Variants in SLC35C1 observed in about 807,000 individuals in gnomAD.
SLC35C1 encodes the protein GDP-fucose transporter 1.
SLC35C1 carries 8 observed loss-of-function variants against 23.2 expected under a neutral mutation model. The observed-to-expected ratio is 0.35, with a 90% confidence interval of 0.20 to 0.62. The LOEUF is 0.62. Ranked by LOEUF, SLC35C1 falls within the 20% of genes least tolerant of loss-of-function variation. The pLI is 0.75. For synonymous variants in SLC35C1, 226 were observed against 225.1 expected, an observed-to-expected ratio of 1.00 and a Z score of -0.04; for missense variants, 422 against 478.6, an observed-to-expected ratio of 0.88 and a Z score of 1.10.
Position 45,812,908 on chromosome 11 carries a change from C to T in SLC35C1, c.*1573C>T. 3.2e-6 allele frequency: 1 copy of T among 308,530 alleles called. No homozygotes were observed. Among genetic ancestry groups the T allele is most frequent in the Non-Finnish European group, 6.5e-6 (1 of 152,798 alleles). 19.1% of individuals were successfully genotyped at this position (308,530 alleles called of 1,614,324 possible). A position where few individuals can be genotyped will look rare whatever the true frequency, so the allele number is the denominator to read the frequency against. ...TAGTGAAAAGCTAGGGAGAGCGGGT[C>T]TTCTCCCCCCTCCCTCTCCAGTCCC... On this transcript the variant is annotated 3_prime_UTR_variant, in exon 2 of 2. Coordinates refer to ENST00000314134, the MANE Select transcript of SLC35C1 (RefSeq NM_018389.5).
chr11:45,805,155 T>G lies in SLC35C1; in HGVS notation c.-647T>G, dbSNP rs2085854161. 1.0e-6 allele frequency: 1 copy of G among 986,158 alleles called. No homozygotes were observed. The highest frequency in any genetic ancestry group is 4.6e-5 in the South Asian group (1 of 21,548). The allele number at this position is 986,158 out of a possible 1,614,324, so 61.1% of individuals were successfully genotyped here. A position where few individuals can be genotyped will look rare whatever the true frequency, so the allele number is the denominator to read the frequency against. On this transcript the variant is annotated 5_prime_UTR_variant, in exon 1 of 2. An upstream start codon of the reference 5' UTR is lost. Transcript: ENST00000314134. The stretch of plus-strand genomic sequence containing the variant: ...CGCCTCCCGGGGAGTCGGCCTCGGA[T>G]GTCCGGAGGCTCCTGGGCTGAGCCG...
At position 45,806,118 on chromosome 11, in the gene SLC35C1, G is replaced by C. The variant is rs1416390852; in HGVS notation, c.317G>C (p.Ser106Thr). The C allele has an allele frequency of 1.9e-6, 3 of 1,609,158 alleles. No homozygotes were observed. Among genetic ancestry groups the C allele is most frequent in the African/African-American group, 2.7e-5 (2 of 74,902 alleles). Residue 106 changes from serine (S) to threonine (T), a missense_variant, in exon 1 of 2, where the codon AGC becomes ACC. By Grantham distance (58) the Ser-to-Thr change is moderately conservative (BLOSUM62 1). Coordinates refer to ENST00000314134, the MANE Select transcript of SLC35C1 (RefSeq NM_018389.5). ...TGCCCTGGTGCCGTGGACTTCCCCAGCTTGCGCCTGGACCTCAGGGTGGCC... is the reference window on the plus strand; with the variant it reads ...TGCCCTGGTGCCGTGGACTTCCCCACCTTGCGCCTGGACCTCAGGGTGGCC... ...ACCPGAVDFP[S>T]LRLDLRVARS...
At position 45,805,179 on chromosome 11, in the gene SLC35C1, C is replaced by G. The variant is rs1364749912; in HGVS notation, c.-623C>G. The G allele has an allele frequency of 1.2e-5, 12 of 991,244 alleles. No homozygotes were observed. The highest frequency in any genetic ancestry group is 1.1e-4 in the East Asian group (1 of 8,944). The allele number at this position is 991,244 out of a possible 1,614,324, so 61.4% of individuals were successfully genotyped here. On this transcript the variant is annotated 5_prime_UTR_variant, in exon 1 of 2. Transcript: ENST00000314134. ...ATGTCCGGAGGCTCCTGGGCTGAGCCGGCGACAGAGCCCGGGAAGGCAGCG... is the reference window on the plus strand; with the variant it reads ...ATGTCCGGAGGCTCCTGGGCTGAGCGGGCGACAGAGCCCGGGAAGGCAGCG...
chr11:45,811,712 A>C lies in SLC35C1; in HGVS notation c.*377A>C. On this transcript the variant is annotated 3_prime_UTR_variant, in exon 2 of 2. Transcript: ENST00000314134. Reference sequence around the variant, plus strand: ...AGGCAACAACCTTGAAGGGACAGCAATGGCAAAGCCACAAAGGCTTCACTG... The same window carrying C: ...AGGCAACAACCTTGAAGGGACAGCACTGGCAAAGCCACAAAGGCTTCACTG... 1 of 187,492 alleles carries C rather than the reference A, an allele frequency of 5.3e-6. No homozygotes were observed. The allele number at this position is 187,492 out of a possible 1,614,324, so 11.6% of individuals were successfully genotyped here.
chr11:45,808,394 G>A (rs1163367454), intron 1 of SLC35C1, among the ~76,000 whole-genome samples: 1 of 152,074 alleles, frequency 6.6e-6, no homozygotes, highest in African/African-American at 2.4e-5. Flanking sequence ...CCAGCTACTC[G>A]GGAGGCTGAG....
chr11:45,804,517 G>C, upstream of SLC35C1: 1 of 985,700 alleles, frequency 1.0e-6, no homozygotes, highest in Non-Finnish European at 1.2e-6. Context: ...TTCTGGAAGG[G>C]GTAAGAGATG....
In SLC35C1 at chr11:45,811,392, C is replaced by T; in HGVS notation, c.*57C>T. 7.2e-7 allele frequency: 1 copy of T among 1,389,504 alleles called. No individual in the cohort carries two copies. The highest frequency in any genetic ancestry group is 9.5e-7 in the Non-Finnish European group (1 of 1,056,622). 86.1% of individuals were successfully genotyped at this position (1,389,504 alleles called of 1,614,324 possible). On this transcript the variant is annotated 3_prime_UTR_variant, in exon 2 of 2. Transcript: ENST00000314134. The stretch of plus-strand genomic sequence containing the variant: ...GGGGCCCGTACACAGGCGGGGCCAG[C>T]ACAGTAGTGAAGGCGGTCTCCTGGA...
At chr11:45,804,692 G>C (rs1029697195), upstream of SLC35C1, 1 of 985,394 alleles carries the variant, frequency 1.0e-6, no homozygotes, top group East Asian at 1.1e-4. Context: ...GTGAAAATGG[G>C]GGGAAAGGAG....
rs747880484 is a variant in SLC35C1 at position 45,811,363 on chromosome 11, C to T, written c.*28C>T. 27 of 1,462,202 alleles carry T rather than the reference C, an allele frequency of 1.8e-5. No individual in the cohort carries two copies. Among genetic ancestry groups the T allele is most frequent in the African/African-American group, 2.8e-5 (2 of 70,886 alleles). The allele number at this position is 1,462,202 out of a possible 1,614,324, so 90.6% of individuals were successfully genotyped here. A position where few individuals can be genotyped will look rare whatever the true frequency, so the allele number is the denominator to read the frequency against. ...ACCACAGGCACCCTGGATGGCCCGG[C>T]CCCGGGGCCCGTACACAGGCGGGGC... On this transcript the variant is annotated 3_prime_UTR_variant, in exon 2 of 2. Transcript: ENST00000314134.
rs149296455 is a variant in SLC35C1, at chr11:45,806,335, C to A, written c.534C>A (p.Ile178=). The part of the protein sequence containing the change: ...FYALLTCGII[I]GGFWLGVDQE... ...CCCTGCTCACCTGCGGTATCATCATCGGTGAGTGGCAGCTGGGGCCACGGG... is the reference window on the plus strand; with the variant it reads ...CCCTGCTCACCTGCGGTATCATCATAGGTGAGTGGCAGCTGGGGCCACGGG... Residue 178 remains isoleucine (I), a splice_region_variant and synonymous_variant, in exon 1 of 2, where the codon ATC becomes ATA. Transcript: ENST00000314134. The A allele has an allele frequency of 6.2e-7, 1 of 1,612,462 alleles. No homozygotes were observed. Among genetic ancestry groups the A allele is most frequent in the East Asian group, 2.2e-5 (1 of 44,882 alleles).
Position 45,807,059 on chromosome 11 carries a change from C to T in SLC35C1, c.535+723C>T, listed in dbSNP as rs1010139217. 4.1e-5 allele frequency: 11 copies of T among 268,740 alleles called. No individual in the cohort carries two copies. In the East Asian group the frequency reaches 8.8e-4, roughly 22 times the overall value. 16.6% of individuals were successfully genotyped at this position (268,740 alleles called of 1,614,324 possible). A position where few individuals can be genotyped will look rare whatever the true frequency, so the allele number is the denominator to read the frequency against. On this transcript the variant is annotated intron_variant, in intron 1 of 1. Transcript: ENST00000314134. ...ATCTCCTTTGTTCTCCCAGAGATCC[C>T]CTGGGTTGTGGCATCACTACCAGCG...
chr11:45,805,707 T>C lies in SLC35C1; in HGVS notation c.-95T>C. Reference sequence around the variant, plus strand: ...CAGCCCACATGTGACAATGGAGGGCTGCGGCTTCCTTGCGGAGAGCACAAG... The same window carrying C: ...CAGCCCACATGTGACAATGGAGGGCCGCGGCTTCCTTGCGGAGAGCACAAG... On this transcript the variant is annotated 5_prime_UTR_variant, in exon 1 of 2. Transcript: ENST00000314134. 6.3e-7 allele frequency: 1 copy of C among 1,593,176 alleles called. No homozygotes were observed. Among genetic ancestry groups the C allele is most frequent in the Non-Finnish European group, 8.5e-7 (1 of 1,177,534 alleles).
At chr11:45,806,364 T>A (rs756891670) in intron 1 of SLC35C1, 28 bp downstream of exon 1, 1 of 1,609,596 alleles carries the variant, frequency 6.2e-7, no homozygotes, top group South Asian at 1.1e-5. Flanking sequence ...CCACGGGGGA[T>A]AGAGTGGTCA....
At position 45,811,557 on chromosome 11, in the gene SLC35C1, C is replaced by T; in HGVS notation, c.*222C>T. The T allele has an allele frequency of 4.2e-6, 2 of 473,968 alleles. No homozygotes were observed. The highest frequency in any genetic ancestry group is 7.4e-6 in the Non-Finnish European group (2 of 270,700). 29.4% of individuals were successfully genotyped at this position (473,968 alleles called of 1,614,324 possible). On this transcript the variant is annotated 3_prime_UTR_variant, in exon 2 of 2. Transcript: ENST00000314134. ...GTTTACAAGTAATACCAGAAAGTTG[C>T]CAAACCCTTCTCTATCCTCTCGTAT...
At position 45,810,819 on chromosome 11, in the gene SLC35C1, C is replaced by T. The variant is rs761382272; in HGVS notation, c.579C>T (p.Thr193=). The T allele has an allele frequency of 3.1e-6, 5 of 1,612,838 alleles. No homozygotes were observed. Among genetic ancestry groups the T allele is most frequent in the Non-Finnish European group, 3.4e-6 (4 of 1,180,000 alleles). The change falls in exon 2 of 2, where the codon ACC becomes ACT. Residue 193 remains threonine, a synonymous_variant. Transcript: ENST00000314134. The stretch of plus-strand genomic sequence containing the variant: ...TGGACCAGGAGGGGGCAGAAGGCAC[C>T]CTGTCGTGGCTGGGCACCGTCTTCG... ...LGVDQEGAEG[T]LSWLGTVFGV...
At chr11:45,804,968 G>T, upstream of SLC35C1, 1 of 985,796 alleles carries the variant, frequency 1.0e-6, no homozygotes, top group Non-Finnish European at 1.2e-6. Flanking sequence ...AGAAAAACCT[G>T]TGGCTGCCGA....
intron 1 of SLC35C1, among the ~76,000 whole-genome samples, chr11:45,809,401 A>G (rs1250643877): frequency 6.6e-6 from 1 of 152,106 alleles, no homozygotes; most frequent in African/African-American, 2.4e-5. Flanking sequence ...TAGAAGGAAG[A>G]GCACGTGCAC....
chr11:45,804,867 G>A, upstream of SLC35C1: 3 of 985,896 alleles, frequency 3.0e-6, no homozygotes, highest in Non-Finnish European at 3.6e-6. Context: ...AGCCAAGTCG[G>A]GGGACGGAGG....
intron 1 of SLC35C1, chr11:45,806,864 G>A (rs1283000192): frequency 1.0e-6 from 1 of 984,032 alleles, no homozygotes; most frequent in Non-Finnish European, 1.2e-6. Context: ...TCTTAGTAGA[G>A]GACAATACGT....
Sources: gnomAD v4.1 joint callset for allele counts (sites outside exome capture counted in the v4.1 genomes callset) on GRCh38, gnomAD v4.1.1 for gene constraint, MANE v1.5 for transcripts, NCBI Gene and HGNC (gene_info 2026-07-23, HGNC 2026-07-21) for gene names.